Variants in TAFA2 observed in about 807,000 individuals in gnomAD.
TAFA2 encodes chemokine-like protein TAFA-2.
Under a neutral mutation model 18.8 loss-of-function variants are expected in TAFA2, and 7 were observed. The ratio of observed to expected loss-of-function variants is 0.37; its 90% confidence interval spans 0.21 to 0.70. TAFA2 has a LOEUF of 0.70. Among genes scored for constraint, TAFA2 ranks in the 30% least tolerant of loss-of-function variants. TAFA2 has a pLI of 0.53. For missense variants in TAFA2, 122 were observed against 158.1 expected (o/e 0.77, Z 1.23); for synonymous variants, 60 against 54.2 (o/e 1.11, Z -0.47).
intron 1 of TAFA2, among the ~76,000 whole-genome samples, chr12:62,075,456 C>T (rs564037600): frequency 1.4e-4 from 22 of 152,274 alleles, no homozygotes; most frequent in African/African-American, 5.1e-4. Context: ...GTAAATTCCA[C>T]CTCTCTTGCT....
intron 1 of TAFA2, among the ~76,000 whole-genome samples, chr12:62,246,150 C>A (rs2062885146): frequency 6.6e-6 from 1 of 152,130 alleles, no homozygotes; most frequent in South Asian, 2.1e-4. Flanking sequence ...CAATGCCCAG[C>A]TAATTTTTTG....
chr12:61,926,359 C>A (rs1877292792), intron 1 of TAFA2, among the ~76,000 whole-genome samples: 1 of 152,170 alleles, frequency 6.6e-6, no homozygotes, highest in African/African-American at 2.4e-5. Flanking sequence ...CCAGTATCAT[C>A]CTGATACCAA....
chr12:61,800,351 A>G (rs912330137), intron 2 of TAFA2, among the ~76,000 whole-genome samples: 2 of 152,184 alleles, frequency 1.3e-5, no homozygotes, highest in African/African-American at 4.8e-5. Flanking sequence ...TTCAGAAAAT[A>G]AATTTGACAG....
chr12:62,105,959 A>G (rs892079377), intron 1 of TAFA2, among the ~76,000 whole-genome samples: 4 of 152,214 alleles, frequency 2.6e-5, no homozygotes, highest in African/African-American at 9.6e-5. Context: ...CTATTTAATG[A>G]AAAATAGGTG....
chr12:62,013,169 G>A (rs1420765544), intron 1 of TAFA2, among the ~76,000 whole-genome samples: 1 of 152,132 alleles, frequency 6.6e-6, no homozygotes, highest in East Asian at 1.9e-4. Flanking sequence ...AGAAGGATTA[G>A]ACTATCACAC....
intron 1 of TAFA2, among the ~76,000 whole-genome samples, chr12:62,217,966 GTATT>G (rs68172819): frequency 0.3 from 38,317 of 126,800 alleles, 5,648 homozygotes; most frequent in South Asian, 0.39. Context: ...TTTTATGTAT[GTATT>G]TATTTATTTA....
At chr12:62,204,533 T>C (rs532003714) in intron 1 of TAFA2, among the ~76,000 whole-genome samples, 1 of 152,194 alleles carries the variant, frequency 6.6e-6, no homozygotes, top group Non-Finnish European at 1.5e-5. Context: ...TACTTTTTAT[T>C]CTTTTTTTCT....
chr12:62,089,835 C>T (rs1419653733), intron 1 of TAFA2, among the ~76,000 whole-genome samples: 2 of 152,056 alleles, frequency 1.3e-5, no homozygotes, highest in East Asian at 3.9e-4. Context: ...TACTTGATTC[C>T]ACTTTTGCTT....
intron 2 of TAFA2, among the ~76,000 whole-genome samples, chr12:61,812,952 C>T (rs1401524583): frequency 2.0e-5 from 3 of 151,388 alleles, no homozygotes; most frequent in Admixed American, 6.6e-5. Context: ...CTCTTGTTTG[C>T]TATTATCTCC....
intron 1 of TAFA2, among the ~76,000 whole-genome samples, chr12:62,167,468 A>G (rs2062448530): frequency 6.6e-6 from 1 of 152,184 alleles, no homozygotes; most frequent in Non-Finnish European, 1.5e-5. Context: ...TTGTATGTAC[A>G]TTGCAGGATA....
intron 1 of TAFA2, among the ~76,000 whole-genome samples, chr12:62,204,185 T>G (rs1277850642): frequency 2.0e-5 from 3 of 152,180 alleles, no homozygotes; most frequent in Admixed American, 1.3e-4. Context: ...TCTGGCTTGT[T>G]GGGTTTCTCA....
In TAFA2 at chr12:62,146,118, A is replaced by G. The variant is rs977252865; in HGVS notation, c.-2+45141T>C. Reference sequence around the variant, plus strand: ...CCAAATCTAACATCTATCCTGGAGTAACAGTTTCCCCGTCATGAAGGATCC... The same window carrying G: ...CCAAATCTAACATCTATCCTGGAGTGACAGTTTCCCCGTCATGAAGGATCC... On this transcript the variant is annotated intron_variant, in intron 1 of 4. Transcript: ENST00000416284. Among the ~76,000 whole-genome samples the G allele has an allele frequency of 2.6e-5, 4 of 152,138 alleles. No homozygotes were observed. In the East Asian group the frequency reaches 7.7e-4, roughly 29 times the overall value.
In TAFA2 at chr12:62,007,138, G is replaced by A. The variant is rs141682939; in HGVS notation, c.-1-139712C>T. The stretch of plus-strand genomic sequence containing the variant: ...TCCTTCTGCTCCAGCCACACTGACC[G>A]CTTCCTATTCCTGGAGCATGCTGAG... On this transcript the variant is annotated intron_variant, in intron 1 of 4. Transcript: ENST00000416284. Among the ~76,000 whole-genome samples, 159 of 152,092 alleles carry A rather than the reference G, an allele frequency of 1.0e-3. 2 individuals carry two copies. The highest frequency in any genetic ancestry group is 3.4e-3 in the African/African-American group (142 of 41,484).
intron 2 of TAFA2, among the ~76,000 whole-genome samples, chr12:61,760,242 T>C (rs1160188074): frequency 2.6e-5 from 4 of 151,068 alleles, no homozygotes; most frequent in Non-Finnish European, 5.9e-5. Context: ...CTTTTAAAAA[T>C]AGAATAGATG....
At chr12:62,240,419 A>G (rs1213304797) in intron 1 of TAFA2, among the ~76,000 whole-genome samples, 1 of 127,204 alleles carries the variant, frequency 7.9e-6, no homozygotes, top group African/African-American at 2.8e-5. Flanking sequence ...ACTCTGTCTC[A>G]GGGAAAAAAA....
chr12:61,851,226 G>A (rs986514392), intron 2 of TAFA2, among the ~76,000 whole-genome samples: 1 of 152,050 alleles, frequency 6.6e-6, no homozygotes, highest in Non-Finnish European at 1.5e-5. Flanking sequence ...CATATAACAG[G>A]GAAACTAACC....
chr12:62,162,003 T>C (rs1297946527), intron 1 of TAFA2, among the ~76,000 whole-genome samples: 1 of 152,322 alleles, frequency 6.6e-6, no homozygotes, highest in Admixed American at 6.5e-5. Flanking sequence ...AACCTATAAA[T>C]GCTATTAAGT....
At chr12:61,849,873 T>C (rs1292645011) in intron 2 of TAFA2, among the ~76,000 whole-genome samples, 1 of 152,206 alleles carries the variant, frequency 6.6e-6, no homozygotes, top group Non-Finnish European at 1.5e-5. Flanking sequence ...CTTTAACACA[T>C]AGATTGTTGA....
At chr12:61,727,368 T>A (rs1424474173) in intron 4 of TAFA2, among the ~76,000 whole-genome samples, 1 of 143,764 alleles carries the variant, frequency 7.0e-6, no homozygotes, top group East Asian at 1.9e-4. Flanking sequence ...TTTTTGACAA[T>A]TTTTTTTATT....
Sources: gnomAD v4.1 joint callset for allele counts (sites outside exome capture counted in the v4.1 genomes callset) on GRCh38, gnomAD v4.1.1 for gene constraint, MANE v1.5 for transcripts, NCBI Gene and HGNC (gene_info 2026-07-23, HGNC 2026-07-21) for gene names.